Variants in GRM7 observed in about 807,000 individuals in gnomAD.
GRM7 encodes the protein glutamate metabotropic receptor 7.
Under a neutral mutation model 84.5 loss-of-function variants are expected in GRM7, and 35 were observed. That is an observed-to-expected ratio of 0.41 (90% CI 0.32 to 0.55). The LOEUF (loss-of-function observed/expected upper bound fraction) is 0.55, where lower values mean the gene tolerates loss of function less well. GRM7 is among the 20% of genes least tolerant of loss of function. The pLI is 0.19. For synonymous variants in GRM7, 487 were observed against 455.1 expected (o/e 1.07, Z -0.89); for missense variants, 1,003 against 1,194.6 (o/e 0.84, Z 2.36).
intron 2 of GRM7, among the ~76,000 whole-genome samples, chr3:7,253,390 A>C (rs1023913622): frequency 6.6e-6 from 1 of 151,934 alleles, no homozygotes; most frequent in Non-Finnish European, 1.5e-5. Context: ...TGATGTGGGC[A>C]GATCATCTGT....
At chr3:7,718,356 A>G in intron 9 of GRM7, among the ~76,000 whole-genome samples, 1 of 151,988 alleles carries the variant, frequency 6.6e-6, no homozygotes, top group East Asian at 1.9e-4. Context: ...TCCCCTGTAT[A>G]TTTTTCTCAC....
At chr3:7,152,373 G>T (rs2125071061) in intron 2 of GRM7, among the ~76,000 whole-genome samples, 1 of 152,218 alleles carries the variant, frequency 6.6e-6, no homozygotes, top group Non-Finnish European at 1.5e-5. Context: ...CATAAATAAA[G>T]TCATTTCAGT....
At chr3:7,243,034 A>T (rs1020130395) in intron 2 of GRM7, among the ~76,000 whole-genome samples, 12 of 152,274 alleles carry the variant, frequency 7.9e-5, no homozygotes, top group Admixed American at 2.0e-4. Context: ...GCTGAAGGCA[A>T]TGCTTTCCAA....
intron 1 of GRM7, among the ~76,000 whole-genome samples, chr3:7,114,030 C>G (rs1382682836): frequency 6.6e-6 from 1 of 152,096 alleles, no homozygotes; most frequent in African/African-American, 2.4e-5. Context: ...CTAAATACAG[C>G]TACTATGCAT....
intron 2 of GRM7, among the ~76,000 whole-genome samples, chr3:7,262,117 T>C (rs1698453017): frequency 6.6e-6 from 1 of 151,834 alleles, no homozygotes; most frequent in South Asian, 2.1e-4. Context: ...TTTTTCATTT[T>C]GACCTTAGAG....
chr3:7,052,517 TTA>T (rs1234552516), intron 1 of GRM7, among the ~76,000 whole-genome samples: 2 of 151,512 alleles, frequency 1.3e-5, no homozygotes, highest in Non-Finnish European at 3.0e-5. Flanking sequence ...TCCTCCAATT[TTA>T]TTTGTTTTGT....
At chr3:7,567,978 A>G (rs1269050705) in intron 7 of GRM7, among the ~76,000 whole-genome samples, 1 of 152,114 alleles carries the variant, frequency 6.6e-6, no homozygotes, top group African/African-American at 2.4e-5. Context: ...AAAACAACTC[A>G]GGAACGTATG....
At position 7,616,644 on chromosome 3, in the gene GRM7, T is replaced by C. The variant is rs149096263; in HGVS notation, c.2451+37287T>C. 1.5e-4 allele frequency among the ~76,000 whole-genome samples: 23 copies of C among 152,300 alleles called. No homozygotes were observed. The South Asian group carries it at 1.9e-3, about 12-fold the overall frequency. On this transcript the variant is annotated intron_variant, in intron 8 of 9. Transcript: ENST00000357716. ...GTTTTGCTTTTTTAAAACAATCAAA[T>C]ATGTATAGCTGATCTTTTCTTTGGA...
At chr3:7,465,588 G>A (rs572382778) in intron 7 of GRM7, among the ~76,000 whole-genome samples, 4 of 152,176 alleles carry the variant, frequency 2.6e-5, no homozygotes, top group Non-Finnish European at 4.4e-5. Flanking sequence ...TAAATGTTCT[G>A]TGAGAGTGGA....
chr3:7,199,499 C>G lies in GRM7; in HGVS notation c.736+52831C>G, dbSNP rs146871386. On this transcript the variant is annotated intron_variant, in intron 2 of 9. Transcript: ENST00000357716. ...AGCTCTGGAGTATCATGCTATGCAG[C>G]AATCAATCACTGCAGCAGTTGTCTT... is the stretch of plus-strand genomic sequence containing the variant. Among the ~76,000 whole-genome samples, 46 of 152,344 alleles carry G rather than the reference C, an allele frequency of 3.0e-4. No homozygotes were observed. The East Asian group carries it at 7.9e-3, about 26-fold the overall frequency.
At chr3:7,575,552 T>C (rs974627427) in intron 7 of GRM7, among the ~76,000 whole-genome samples, 2 of 152,204 alleles carry the variant, frequency 1.3e-5, no homozygotes, top group East Asian at 3.9e-4. Context: ...GCAGCGTATC[T>C]GTGTGGGTGG....
At chr3:7,138,680 C>T (rs1559464908) in intron 1 of GRM7, among the ~76,000 whole-genome samples, 4 of 151,384 alleles carry the variant, frequency 2.6e-5, no homozygotes, top group Admixed American at 6.6e-5. Flanking sequence ...AGTTTTTTTT[C>T]ACAATTTCTT....
chr3:7,696,226 C>CA (rs1262689848), intron 9 of GRM7, among the ~76,000 whole-genome samples: 11 of 152,284 alleles, frequency 7.2e-5, no homozygotes, highest in Admixed American at 6.5e-4. Flanking sequence ...AAGCCATTTA[C>CA]ATTGTAGAGT....
At chr3:6,914,725 A>G (rs945687426) in intron 1 of GRM7, among the ~76,000 whole-genome samples, 1 of 152,132 alleles carries the variant, frequency 6.6e-6, no homozygotes, top group Non-Finnish European at 1.5e-5. Flanking sequence ...TGATATGTCT[A>G]TGATACCAGT....
chr3:7,705,491 T>C (rs1467416184), intron 9 of GRM7, among the ~76,000 whole-genome samples: 2 of 152,054 alleles, frequency 1.3e-5, no homozygotes, highest in African/African-American at 2.4e-5. Context: ...TGATAACAAA[T>C]ACAAAACTGC....
At chr3:6,946,921 G>A (rs1351308412) in intron 1 of GRM7, among the ~76,000 whole-genome samples, 1 of 152,200 alleles carries the variant, frequency 6.6e-6, no homozygotes, top group East Asian at 1.9e-4. Context: ...AGACTTTGCT[G>A]AAGTTGCTTA....
intron 7 of GRM7, among the ~76,000 whole-genome samples, chr3:7,468,711 G>C (rs1426350354): frequency 6.6e-6 from 1 of 152,070 alleles, no homozygotes; most frequent in African/African-American, 2.4e-5. Context: ...TTGGGTCATT[G>C]GGGTGGTTTC....
chr3:6,886,972 TC>T (rs1695720303), intron 1 of GRM7, among the ~76,000 whole-genome samples: 1 of 152,036 alleles, frequency 6.6e-6, no homozygotes, highest in Non-Finnish European at 1.5e-5. Context: ...TCAGAATTAC[TC>T]CAAACATAAT....
At chr3:7,134,379 T>A (rs1304395773) in intron 1 of GRM7, among the ~76,000 whole-genome samples, 1 of 152,116 alleles carries the variant, frequency 6.6e-6, no homozygotes, top group Non-Finnish European at 1.5e-5. Flanking sequence ...ATATGAGGTG[T>A]GTAAGATAAC....
Sources: gnomAD v4.1 joint callset for allele counts (sites outside exome capture counted in the v4.1 genomes callset) on GRCh38, gnomAD v4.1.1 for gene constraint, MANE v1.5 for transcripts, NCBI Gene and HGNC (gene_info 2026-07-23, HGNC 2026-07-21) for gene names.